Variants in PRRG4 observed in about 807,000 individuals in gnomAD.
PRRG4 encodes transmembrane gamma-carboxyglutamic acid protein 4.
A neutral mutation model predicts 20.0 loss-of-function variants in PRRG4; 12 were observed. The observed-to-expected ratio is 0.60, with a 90% confidence interval of 0.38 to 0.97. The LOEUF (loss-of-function observed/expected upper bound fraction) is 0.97, where lower values mean the gene tolerates loss of function less well. Among genes scored for constraint, PRRG4 ranks in the 50% least tolerant of loss-of-function variants. PRRG4 has a pLI of 0.00. For missense variants in PRRG4, 199 were observed against 265.1 expected, an observed-to-expected ratio of 0.75 and a Z score of 1.73; for synonymous variants, 94 against 96.4, an observed-to-expected ratio of 0.98 and a Z score of 0.15.
At chr11:32,847,399 G>A (rs1319256335) in intron 5 of PRRG4, among the ~76,000 whole-genome samples, 1 of 152,136 alleles carries the variant, frequency 6.6e-6, no homozygotes, top group Non-Finnish European at 1.5e-5. Flanking sequence ...TAAGGAAAGG[G>A]AAATTAAATC....
intron 5 of PRRG4, among the ~76,000 whole-genome samples, chr11:32,842,001 G>A (rs1164356946): frequency 1.3e-5 from 2 of 152,052 alleles, no homozygotes; most frequent in East Asian, 3.9e-4. Context: ...TTTTTAATTG[G>A]TTAAATATTT....
intron 5 of PRRG4, among the ~76,000 whole-genome samples, chr11:32,845,608 AG>A (rs375890424): frequency 0.027 from 4,135 of 151,038 alleles, 75 homozygotes; most frequent in South Asian, 0.038. Context: ...CCTGGGCAAC[AG>A]AGCAAGACTC....
At position 32,840,098 on chromosome 11, in the gene PRRG4, T is replaced by C. The variant is rs769214228; in HGVS notation, c.317-9T>C. ...TTATATTTATGTTATTTTAATGATT[T>C]ATTTTAAGATGGCAACAGAGAGAAA... On this transcript the variant is annotated splice_polypyrimidine_tract_variant and intron_variant, in intron 4 of 5. Transcript: ENST00000257836. The surrounding 1 kb of genome is among the most constrained non-coding windows in gnomAD (Gnocchi z 4.1). The C allele has an allele frequency of 2.5e-6, 4 of 1,579,870 alleles. No homozygotes were observed. Among genetic ancestry groups the C allele is most frequent in the South Asian group, 1.1e-5 (1 of 89,746 alleles).
intron 3 of PRRG4, among the ~76,000 whole-genome samples, chr11:32,838,436 A>G (rs905812588): frequency 6.6e-6 from 1 of 152,008 alleles, no homozygotes; most frequent in Non-Finnish European, 1.5e-5. Flanking sequence ...AGCTTGGGCA[A>G]CAGAGTAATC....
At position 32,856,415 on chromosome 11, in the gene PRRG4, T is replaced by C. The variant is rs915897247; in HGVS notation, c.*2888T>C. 9.9e-5 allele frequency: 15 copies of C among 152,212 alleles called. No individual in the cohort carries two copies. The highest frequency in any genetic ancestry group is 4.1e-4 in the South Asian group (2 of 4,834). 9.4% of individuals were successfully genotyped at this position (152,212 alleles called of 1,614,324 possible). A position where few individuals can be genotyped will look rare whatever the true frequency, so the allele number is the denominator to read the frequency against. Reference sequence around the variant, plus strand: ...TACTTTAAATATAAAAAGGAAAATATGATAGAACTGTTATTGACAAATGCT... The same window carrying C: ...TACTTTAAATATAAAAAGGAAAATACGATAGAACTGTTATTGACAAATGCT... On this transcript the variant is annotated 3_prime_UTR_variant, in exon 6 of 6. Transcript: ENST00000257836.
rs772302735 is a variant in PRRG4 at position 32,853,290 on chromosome 11, G to C, written c.450-6G>C. On this transcript the variant is annotated splice_polypyrimidine_tract_variant and splice_region_variant and intron_variant, in intron 5 of 5. Transcript: ENST00000257836. Reference sequence around the variant, plus strand: ...TCCTAGACCTAAATGTTGTCTCTCTGCTTAGCTCTTCAGCCGTCTATGAAA... The same window carrying C: ...TCCTAGACCTAAATGTTGTCTCTCTCCTTAGCTCTTCAGCCGTCTATGAAA... 6.2e-7 allele frequency: 1 copy of C among 1,608,278 alleles called. No individual in the cohort carries two copies. The highest frequency in any genetic ancestry group is 1.1e-5 in the South Asian group (1 of 90,958).
At chr11:32,845,880 G>C (rs61889498) in intron 5 of PRRG4, among the ~76,000 whole-genome samples, 15,623 of 152,090 alleles carry the variant, frequency 0.1, 850 homozygotes, top group Non-Finnish European at 0.13. Flanking sequence ...GCCAAGGCCA[G>C]GCACGGTGGC....
chr11:32,839,688 AG>A (rs1565114573), intron 4 of PRRG4, among the ~76,000 whole-genome samples: 3 of 133,840 alleles, frequency 2.2e-5, no homozygotes, highest in African/African-American at 9.5e-5. Context: ...TTAAAATATA[AG>A]TATTATATTT....
rs35934196 is a variant in PRRG4 at position 32,837,541 on chromosome 11, G to GATTATTATTATT, written c.267+750_267+761dup. On this transcript the variant is annotated intron_variant, in intron 3 of 5. Transcript: ENST00000257836. ...TGATGATGATGATGATGATGATGAT[G>GATTATTATTATT]ATTATTATTATTATTATTATTATTA... Among the ~76,000 whole-genome samples the GATTATTATTATT allele has an allele frequency of 1.4e-4, 13 of 95,860 alleles. No individual in the cohort carries two copies. The East Asian group carries it at 1.5e-3, about 11-fold the overall frequency. The allele number at this position is 95,860 out of a possible 152,430, so 62.9% of individuals were successfully genotyped here.
intron 2 of PRRG4, among the ~76,000 whole-genome samples, chr11:32,834,371 A>G (rs923587093): frequency 6.6e-6 from 1 of 152,214 alleles, no homozygotes; most frequent in Non-Finnish European, 1.5e-5. Flanking sequence ...AAAATCTACA[A>G]GAAGACAAAG....
chr11:32,850,808 G>A (rs532661854), intron 5 of PRRG4, among the ~76,000 whole-genome samples: 38 of 152,310 alleles, frequency 2.5e-4, no homozygotes, highest in African/African-American at 7.2e-4. Context: ...GGTGGCTCAC[G>A]CCTGTAATCC....
chr11:32,834,894 A>C (rs1314224809), intron 2 of PRRG4, among the ~76,000 whole-genome samples: 1 of 152,132 alleles, frequency 6.6e-6, no homozygotes, highest in Non-Finnish European at 1.5e-5. Context: ...GCTCACTGCA[A>C]CCTCTGCCTC....
chr11:32,845,325 T>G (rs1851117892), intron 5 of PRRG4, among the ~76,000 whole-genome samples: 2 of 152,068 alleles, frequency 1.3e-5, no homozygotes, highest in Non-Finnish European at 2.9e-5. Flanking sequence ...GATATAAACT[T>G]GTAAGATAGA....
intron 5 of PRRG4, among the ~76,000 whole-genome samples, chr11:32,853,080 G>T (rs1239984297): frequency 1.3e-5 from 2 of 151,440 alleles, no homozygotes; most frequent in South Asian, 2.1e-4. Context: ...GAGCCACCAC[G>T]CCCGGCCCAG....
chr11:32,836,570 G>A (rs1270981295), intron 2 of PRRG4, 88 bp from the exon 3 acceptor site: 2 of 698,394 alleles, frequency 2.9e-6, no homozygotes, highest in Non-Finnish European at 4.4e-6. Context: ...GCCACATCAA[G>A]AGAACTATTC....
At chr11:32,846,199 A>C (rs1014550608) in intron 5 of PRRG4, among the ~76,000 whole-genome samples, 4 of 152,142 alleles carry the variant, frequency 2.6e-5, no homozygotes, top group Non-Finnish European at 5.9e-5. Context: ...TTGTAGAGAC[A>C]GGATCTCACT....
At chr11:32,848,224 G>A (rs1053468376) in intron 5 of PRRG4, among the ~76,000 whole-genome samples, 1 of 152,126 alleles carries the variant, frequency 6.6e-6, no homozygotes, top group African/African-American at 2.4e-5. Context: ...TGGCAGAAGA[G>A]CAGAAGAAAG....
Position 32,836,663 on chromosome 11 carries a change from A to G in PRRG4, c.109A>G (p.Thr37Ala). Residue 37 changes from threonine (T) to alanine (A), a missense_variant, in exon 3 of 6, where the codon ACA (threonine) becomes GCA (alanine). By Grantham distance (58) the Thr-to-Ala change is moderately conservative (BLOSUM62 0). Coordinates refer to ENST00000257836, the MANE Select transcript of PRRG4 (RefSeq NM_024081.6). ...ASKHAGEEVFTSKEEANFFIH... is the reference protein window; with the variant it reads ...ASKHAGEEVFASKEEANFFIH... ...CTTTTTCATTACTTTATTAGTGTTT[A>G]CATCAAAAGAAGAAGCAAACTTTTT... 1 of 1,546,282 alleles carries G rather than the reference A, an allele frequency of 6.5e-7. No individual in the cohort carries two copies. Among genetic ancestry groups the G allele is most frequent in the South Asian group, 1.1e-5 (1 of 87,322 alleles).
chr11:32,847,942 G>A (rs779098895), intron 5 of PRRG4, among the ~76,000 whole-genome samples: 2 of 152,206 alleles, frequency 1.3e-5, no homozygotes, highest in Non-Finnish European at 2.9e-5. Flanking sequence ...CAAGATCTAG[G>A]ATAGGCAAAT....
Sources: gnomAD v4.1 joint callset for allele counts (sites outside exome capture counted in the v4.1 genomes callset) on GRCh38, gnomAD v4.1.1 for gene constraint, Gnocchi (gnomAD v3.1) non-coding constraint, MANE v1.5 for transcripts, NCBI Gene and HGNC (gene_info 2026-07-23, HGNC 2026-07-21) for gene names.